The following LINGO2 variants were observed in gnomAD, a reference collection of about 807,000 sequenced individuals.
LINGO2 encodes the protein leucine rich repeat and Ig domain containing 2.
In LINGO2, 14 loss-of-function variants were observed where a neutral mutation model predicts 30.6. The ratio of observed to expected loss-of-function variants is 0.46; its 90% CI spans 0.30 to 0.72. The LOEUF (loss-of-function observed/expected upper bound fraction) is 0.72. Among genes scored for constraint, LINGO2 ranks in the 30% least tolerant of loss-of-function variants. The pLI, the probability that LINGO2 is intolerant of heterozygous loss-of-function variation, is 0.07. For missense variants in LINGO2, 729 were observed against 751.7 expected (o/e 0.97, Z 0.35); for synonymous variants, 317 against 288.5 (o/e 1.10, Z -1.00).
rs568663264 is a variant in LINGO2 at position 28,554,240 on chromosome 9, T to C, written c.-364-78215A>G. On this transcript the variant is annotated intron_variant, in intron 1 of 5. Transcript: ENST00000379992. Reference sequence around the variant, plus strand: ...AGAGTCAAGACCCATCAGTGTGCTGTATTCAGGAAACCCATCTCACGTGCA... The same window carrying C: ...AGAGTCAAGACCCATCAGTGTGCTGCATTCAGGAAACCCATCTCACGTGCA... Among the ~76,000 whole-genome samples the C allele has an allele frequency of 6.4e-3, 965 of 151,446 alleles. 17 individuals carry two copies. The highest frequency in any genetic ancestry group is 0.022 in the African/African-American group (890 of 41,180).
At chr9:28,003,477 G>T (rs111659280) in intron 5 of LINGO2, among the ~76,000 whole-genome samples, 19 of 152,146 alleles carry the variant, frequency 1.2e-4, no homozygotes, top group South Asian at 2.1e-4. Context: ...AATGATTTTT[G>T]AGATGGAGTC....
the LINGO2 span, among the ~76,000 whole-genome samples, chr9:28,746,013 G>A: frequency 1.3e-5 from 2 of 151,744 alleles, no homozygotes. Context: ...AACTATCAAA[G>A]GAACCAACAC....
chr9:28,846,133 C>T, the LINGO2 span, among the ~76,000 whole-genome samples: 1 of 151,698 alleles, frequency 6.6e-6, no homozygotes, highest in African/African-American at 2.4e-5. Flanking sequence ...TCTCTCATCC[C>T]AGTAGAGAAT....
the LINGO2 span, among the ~76,000 whole-genome samples, chr9:28,718,865 C>T: frequency 1.2e-4 from 18 of 152,108 alleles, no homozygotes; most frequent in African/African-American, 4.1e-4. Flanking sequence ...AAATAGTAGT[C>T]TGTTAATTTG....
chr9:28,165,745 T>C (rs1455884612), intron 4 of LINGO2, among the ~76,000 whole-genome samples: 1 of 152,200 alleles, frequency 6.6e-6, no homozygotes, highest in Non-Finnish European at 1.5e-5. Flanking sequence ...TTAGTTTCCC[T>C]TCTCAATTTA....
intron 1 of LINGO2, among the ~76,000 whole-genome samples, chr9:28,623,892 A>G (rs1754621539): frequency 6.6e-6 from 1 of 151,906 alleles, no homozygotes; most frequent in Admixed American, 6.6e-5. Context: ...TATAGTTTTC[A>G]TTGTAAAAAT....
intron 5 of LINGO2, among the ~76,000 whole-genome samples, chr9:27,961,853 C>T (rs962427581): frequency 5.3e-5 from 8 of 152,142 alleles, no homozygotes; most frequent in African/African-American, 1.9e-4. Flanking sequence ...CACAGCCAAT[C>T]GGCTGTGGAG....
chr9:28,875,541 T>C, the LINGO2 span, among the ~76,000 whole-genome samples: 1 of 152,086 alleles, frequency 6.6e-6, no homozygotes, highest in East Asian at 1.9e-4. Flanking sequence ...CTGGATTTTT[T>C]AAATCCAGGA....
chr9:27,962,299 T>G (rs1819887112), intron 5 of LINGO2, among the ~76,000 whole-genome samples: 1 of 152,142 alleles, frequency 6.6e-6, no homozygotes, highest in African/African-American at 2.4e-5. Context: ...TGGCATCTTA[T>G]TTCTGATTTA....
At chr9:28,381,546 T>C (rs533227022) in intron 2 of LINGO2, among the ~76,000 whole-genome samples, 1 of 152,264 alleles carries the variant, frequency 6.6e-6, no homozygotes, top group South Asian at 2.1e-4. Context: ...CACATTTGTA[T>C]CTTGAATATA....
chr9:29,035,735 A>G, the LINGO2 span, among the ~76,000 whole-genome samples: 1 of 151,966 alleles, frequency 6.6e-6, no homozygotes, highest in Non-Finnish European at 1.5e-5. Flanking sequence ...CATATGTGTA[A>G]GCTTACCTAA....
At chr9:28,236,063 A>G (rs1237606242) in intron 4 of LINGO2, among the ~76,000 whole-genome samples, 3 of 152,180 alleles carry the variant, frequency 2.0e-5, no homozygotes, top group Non-Finnish European at 4.4e-5. Context: ...TCAAGGATAA[A>G]GAAAGGATCC....
intron 1 of LINGO2, among the ~76,000 whole-genome samples, chr9:28,628,808 T>A (rs10968690): frequency 0.35 from 53,156 of 151,566 alleles, 9,961 homozygotes; most frequent in African/African-American, 0.46. Context: ...ATGATGAGCC[T>A]CCGGTAATGT....
the LINGO2 span, among the ~76,000 whole-genome samples, chr9:29,023,008 A>T: frequency 3.9e-5 from 6 of 151,932 alleles, no homozygotes; most frequent in Non-Finnish European, 8.8e-5. Context: ...AATTATTATG[A>T]AATGCCTCAT....
intron 5 of LINGO2, among the ~76,000 whole-genome samples, chr9:27,956,929 C>CAAAAATA (rs1466155630): frequency 3.3e-5 from 5 of 151,854 alleles, no homozygotes; most frequent in African/African-American, 1.2e-4. Flanking sequence ...CTCATATCTA[C>CAAAAATA]AAAAATAAAA....
At chr9:28,298,218 G>C (rs1347926163) in intron 3 of LINGO2, among the ~76,000 whole-genome samples, 1 of 151,434 alleles carries the variant, frequency 6.6e-6, no homozygotes. Flanking sequence ...AATGCTCTTA[G>C]ATAGTAGGTG....
chr9:28,588,471 T>C (rs978892167), intron 1 of LINGO2, among the ~76,000 whole-genome samples: 1 of 151,866 alleles, frequency 6.6e-6, no homozygotes, highest in Non-Finnish European at 1.5e-5. Context: ...TGAAGTCCTA[T>C]ACCATAAGTG....
intron 4 of LINGO2, among the ~76,000 whole-genome samples, chr9:28,127,570 G>C: frequency 6.6e-6 from 1 of 152,202 alleles, no homozygotes; most frequent in East Asian, 1.9e-4. Flanking sequence ...TTGCTGAATA[G>C]AGGATGCTTC....
chr9:28,662,687 T>G (rs1368501962), intron 1 of LINGO2, among the ~76,000 whole-genome samples: 1 of 152,144 alleles, frequency 6.6e-6, no homozygotes, highest in Non-Finnish European at 1.5e-5. Context: ...ACAATGACAG[T>G]ATTCATTTTG....
Sources: gnomAD v4.1 joint callset for allele counts (sites outside exome capture counted in the v4.1 genomes callset) on GRCh38, gnomAD v4.1.1 for gene constraint, MANE v1.5 for transcripts, NCBI Gene and HGNC (gene_info 2026-07-23, HGNC 2026-07-21) for gene names.